RAB11FIP4: variants seen among roughly 807,000 people sequenced by gnomAD.
The protein encoded by RAB11FIP4 is RAB11 family interacting protein 4.
RAB11FIP4 carries 23 observed loss-of-function variants against 74.3 expected under a neutral mutation model. The observed-to-expected ratio is 0.31, with a 90% CI of 0.22 to 0.44. The LOEUF is 0.44. RAB11FIP4 is among the 20% of genes least tolerant of loss of function. RAB11FIP4 has a pLI of 1.00. For synonymous variants in RAB11FIP4, 360 were observed against 359.9 expected (o/e 1.00, Z 0.00); for missense variants, 630 against 863.9 (o/e 0.73, Z 3.39).
chr17:31,505,604 TA>T (rs1357326259), intron 3 of RAB11FIP4, among the ~76,000 whole-genome samples: 20 of 53,358 alleles, frequency 3.7e-4, no homozygotes, highest in Non-Finnish European at 5.7e-4. Flanking sequence ...TATTATATAA[TA>T]ATAATTATAT....
At chr17:31,457,910 C>T (rs1461234264) in intron 3 of RAB11FIP4, among the ~76,000 whole-genome samples, 1 of 152,142 alleles carries the variant, frequency 6.6e-6, no homozygotes, top group East Asian at 1.9e-4. Context: ...TCTCTCTGTC[C>T]TGAAGTCTGC....
chr17:31,475,098 TGAAGGGG>T, intron 3 of RAB11FIP4, among the ~76,000 whole-genome samples: 1 of 151,832 alleles, frequency 6.6e-6, no homozygotes, highest in South Asian at 2.1e-4. Context: ...AGCAAAACCT[TGAAGGGG>T]ATGGGGTCCA....
intron 3 of RAB11FIP4, among the ~76,000 whole-genome samples, chr17:31,434,805 G>A (rs2071342714): frequency 6.6e-6 from 1 of 152,260 alleles, no homozygotes; most frequent in Admixed American, 6.5e-5. Flanking sequence ...GAGCAGGGAT[G>A]CAGAGCTTCC....
At chr17:31,498,764 C>T (rs2072163682) in intron 3 of RAB11FIP4, among the ~76,000 whole-genome samples, 3 of 152,276 alleles carry the variant, frequency 2.0e-5, no homozygotes, top group Admixed American at 6.5e-5. Context: ...GAGGGTGCTC[C>T]CCTGAAAATG....
chr17:31,488,183 C>G (rs2071935412), intron 3 of RAB11FIP4: 9 of 1,082,372 alleles, frequency 8.3e-6, no homozygotes, highest in Non-Finnish European at 1.0e-5. Flanking sequence ...CGCCGCGTCC[C>G]CGCGCGCCGC....
At chr17:31,397,874 C>CTTT (rs1267977554) in intron 1 of RAB11FIP4, among the ~76,000 whole-genome samples, 6 of 142,142 alleles carry the variant, frequency 4.2e-5, no homozygotes, top group Middle Eastern at 7.5e-3. Flanking sequence ...ACGCCCCTGC[C>CTTT]TTTTTTTTTT....
chr17:31,483,324 A>C (rs941111950), intron 3 of RAB11FIP4, among the ~76,000 whole-genome samples: 17 of 151,658 alleles, frequency 1.1e-4, no homozygotes, highest in African/African-American at 4.1e-4. Context: ...ACTGGTGTCC[A>C]CCTTGGAGAG....
chr17:31,457,510 C>G (rs548104369), intron 3 of RAB11FIP4, among the ~76,000 whole-genome samples: 1 of 152,264 alleles, frequency 6.6e-6, no homozygotes, highest in African/African-American at 2.4e-5. Context: ...CCCAGTCCCC[C>G]CTGGAACTGG....
rs762895569 is a variant in RAB11FIP4 at position 31,523,927 on chromosome 17, A to T, written c.1064A>T (p.Glu355Val). ...CTGGAAAAGAAGGTGACAGAGCTGG[A>T]GAATGACAGCCTGACCAATGGGGAC... ...SFLEKKVTELENDSLTNGDLK... is the reference protein window; with the variant it reads ...SFLEKKVTELVNDSLTNGDLK... The change falls in exon 9 of 15, where the codon GAG becomes GTG. Residue 355 changes from glutamate (E) to valine (V), a missense_variant. Transcript: ENST00000621161. 6.2e-7 allele frequency: 1 copy of T among 1,612,366 alleles called. No homozygotes were observed. The highest frequency in any genetic ancestry group is 1.1e-5 in the South Asian group (1 of 90,776).
intron 8 of RAB11FIP4, 64 bp downstream of exon 8, chr17:31,523,675 A>G (rs1363614982): frequency 6.8e-7 from 1 of 1,465,312 alleles, no homozygotes; most frequent in Non-Finnish European, 9.6e-7. Context: ...GATGGGGTGC[A>G]CTCAGGCTAC....
chr17:31,518,356 C>CAAAAAAAAAAA (rs35489930), intron 4 of RAB11FIP4: 1 of 70,176 alleles, frequency 1.4e-5, no homozygotes. Context: ...GACCCTGTCT[C>CAAAAAAAAAAA]AAAAAAAAAA....
chr17:31,424,267 G>A (rs1400360667), intron 1 of RAB11FIP4, among the ~76,000 whole-genome samples: 4 of 152,034 alleles, frequency 2.6e-5, no homozygotes, highest in Admixed American at 2.6e-4. Context: ...AGGGTTTTTA[G>A]TTATAATCAA....
intron 3 of RAB11FIP4, among the ~76,000 whole-genome samples, chr17:31,476,109 C>T (rs954357277): frequency 4.1e-5 from 6 of 146,154 alleles, no homozygotes; most frequent in Admixed American, 2.7e-4. Context: ...TCAGTATTCA[C>T]GATTCTGTGT....
chr17:31,490,132 T>C (rs2071980645), intron 3 of RAB11FIP4, among the ~76,000 whole-genome samples: 1 of 152,068 alleles, frequency 6.6e-6, no homozygotes, highest in Non-Finnish European at 1.5e-5. Context: ...GGCTGCAGCT[T>C]GAGATACTCC....
intron 3 of RAB11FIP4, among the ~76,000 whole-genome samples, chr17:31,506,165 C>T (rs2072345013): frequency 6.6e-6 from 1 of 152,148 alleles, no homozygotes; most frequent in African/African-American, 2.4e-5. Flanking sequence ...TTAATTTACT[C>T]TGACAATATT....
At chr17:31,514,550 C>T (rs1284223230) in intron 3 of RAB11FIP4, among the ~76,000 whole-genome samples, 1 of 152,254 alleles carries the variant, frequency 6.6e-6, no homozygotes, top group Non-Finnish European at 1.5e-5. Flanking sequence ...AGAGGCTCAG[C>T]TCATCGGGCT....
intron 3 of RAB11FIP4, among the ~76,000 whole-genome samples, chr17:31,510,770 C>T (rs558978544): frequency 2.6e-5 from 4 of 152,176 alleles, no homozygotes; most frequent in African/African-American, 7.2e-5. Context: ...CAGTGAGCCA[C>T]GGTGGGTAGA....
chr17:31,438,306 C>T (rs2071378833), intron 3 of RAB11FIP4, among the ~76,000 whole-genome samples: 1 of 152,036 alleles, frequency 6.6e-6, no homozygotes. Flanking sequence ...GTAATGTGAA[C>T]CCTAATCCTA....
At chr17:31,414,504 G>T (rs558402771) in intron 1 of RAB11FIP4, among the ~76,000 whole-genome samples, 2 of 152,244 alleles carry the variant, frequency 1.3e-5, no homozygotes, top group Non-Finnish European at 2.9e-5. Flanking sequence ...CAAAGCCCTT[G>T]TGGGTGGCCG....
Sources: allele counts gnomAD v4.1 joint callset (sites outside exome capture counted in the v4.1 genomes callset), GRCh38; gene constraint gnomAD v4.1.1; transcripts MANE v1.5; gene names NCBI Gene and HGNC (gene_info 2026-07-23, HGNC 2026-07-21).